The following SLC27A2 variants were observed in gnomAD, a reference collection of about 807,000 sequenced individuals.
SLC27A2 encodes the protein long-chain fatty acid transport protein 2.
In SLC27A2, 54 loss-of-function variants were observed where a neutral mutation model predicts 60.0. That is an observed-to-expected ratio of 0.90 (90% CI 0.72 to 1.13). SLC27A2 has a LOEUF of 1.13. SLC27A2 is among the 50% of genes most tolerant of loss of function. The pLI is 0.00. For synonymous variants in SLC27A2, 297 were observed against 297.6 expected, an observed-to-expected ratio of 1.00 and a Z score of 0.02; for missense variants, 739 against 777.6, an observed-to-expected ratio of 0.95 and a Z score of 0.59.
At chr15:50,184,309 T>C (rs1368590990) in intron 1 of SLC27A2, among the ~76,000 whole-genome samples, 1 of 152,006 alleles carries the variant, frequency 6.6e-6, no homozygotes, top group Non-Finnish European at 1.5e-5. Context: ...CTACATCTTA[T>C]TGTTTTCCTC....
chr15:50,234,077 C>A, intron 9 of SLC27A2, 79 bp downstream of exon 9: 2 of 1,362,562 alleles, frequency 1.5e-6, no homozygotes, highest in Non-Finnish European at 2.0e-6. Context: ...CGCCTTCTCC[C>A]AGGATGACTA....
At chr15:50,229,570 G>T (rs1292250734) in intron 8 of SLC27A2, among the ~76,000 whole-genome samples, 1 of 152,202 alleles carries the variant, frequency 6.6e-6, no homozygotes, top group Non-Finnish European at 1.5e-5. Context: ...AGGAGGGCCA[G>T]TGTCTGACCT....
At chr15:50,199,590 C>T (rs1008443695) in intron 2 of SLC27A2, among the ~76,000 whole-genome samples, 4 of 151,608 alleles carry the variant, frequency 2.6e-5, no homozygotes, top group Admixed American at 6.6e-5. Flanking sequence ...AATTGGAAGA[C>T]AATTAGAAGG....
At chr15:50,185,507 C>A (rs745864943) in intron 1 of SLC27A2, among the ~76,000 whole-genome samples, 3 of 151,270 alleles carry the variant, frequency 2.0e-5, no homozygotes, top group Non-Finnish European at 4.4e-5. Context: ...TTGGAAGGGA[C>A]CTTAGAGATA....
intron 4 of SLC27A2, among the ~76,000 whole-genome samples, chr15:50,222,754 A>G (rs2045252237): frequency 2.0e-5 from 3 of 152,316 alleles, no homozygotes; most frequent in South Asian, 2.1e-4. Context: ...CAGCTGTCAG[A>G]CCATACTGCT....
chr15:50,223,104 T>A lies in SLC27A2; in HGVS notation c.1112T>A (p.Phe371Tyr). 3 of 1,613,866 alleles carry A rather than the reference T, an allele frequency of 1.9e-6. No homozygotes were observed. The highest frequency in any genetic ancestry group is 1.1e-5 in the South Asian group (1 of 91,008). ...GCTGCCACTGAAGGCAATATTGGAT[T>A]TATGAATTATGCGAGAAAAGTTGGT... ...FYAATEGNIG[F>Y]MNYARKVGAV... Residue 371 changes from phenylalanine to tyrosine, a missense_variant, in exon 5 of 10, where the codon TTT becomes TAT. Transcript: ENST00000267842.
intron 1 of SLC27A2, among the ~76,000 whole-genome samples, chr15:50,196,070 AAAAAAAAATATATATATATAT>A (rs2045016260): frequency 8.5e-5 from 2 of 23,484 alleles, no homozygotes; most frequent in African/African-American, 2.9e-4. Flanking sequence ...AAAAAAAAAA[AAAAAAAAATATATATATATAT>A]ATATATATAT....
At chr15:50,193,200 C>A (rs2044988634) in intron 1 of SLC27A2, among the ~76,000 whole-genome samples, 1 of 152,238 alleles carries the variant, frequency 6.6e-6, no homozygotes, top group Non-Finnish European at 1.5e-5. Flanking sequence ...TCTTTCAGGT[C>A]TCAGTTTACA....
intron 4 of SLC27A2, among the ~76,000 whole-genome samples, chr15:50,210,422 C>T (rs1040136454): frequency 6.6e-6 from 1 of 152,148 alleles, no homozygotes; most frequent in Non-Finnish European, 1.5e-5. Flanking sequence ...CCTGGAGCCT[C>T]GTCAAGTTAG....
intron 3 of SLC27A2, among the ~76,000 whole-genome samples, chr15:50,204,374 G>A (rs2045091140): frequency 6.6e-6 from 1 of 152,034 alleles, no homozygotes; most frequent in Admixed American, 6.5e-5. Context: ...GCTGAGGCAC[G>A]AGAACCCACA....
chr15:50,195,924 G>A (rs1437788725), intron 1 of SLC27A2, among the ~76,000 whole-genome samples: 2 of 148,560 alleles, frequency 1.3e-5, no homozygotes, highest in Non-Finnish European at 3.0e-5. Flanking sequence ...GCATGGTGGC[G>A]GGCGCCTGTG....
At position 50,182,256 on chromosome 15, in the gene SLC27A2, G is replaced by T; in HGVS notation, c.-172G>T. 5.6e-6 allele frequency: 6 copies of T among 1,069,974 alleles called. No individual in the cohort carries two copies. Among genetic ancestry groups the T allele is most frequent in the Non-Finnish European group, 7.2e-6 (6 of 830,120 alleles). 66.3% of individuals were successfully genotyped at this position (1,069,974 alleles called of 1,614,324 possible). A position where few individuals can be genotyped will look rare whatever the true frequency, so the allele number is the denominator to read the frequency against. On this transcript the variant is annotated 5_prime_UTR_variant, in exon 1 of 10. Coordinates refer to ENST00000267842, the MANE Select transcript of SLC27A2 (RefSeq NM_003645.4). ...CTACACCTGCTCCGGAGCCCGCGGC[G>T]GTACCTGCAGCGGAGGAGCTCTGTC...
intron 4 of SLC27A2, among the ~76,000 whole-genome samples, chr15:50,208,056 G>A (rs1291889937): frequency 6.6e-6 from 1 of 152,030 alleles, no homozygotes; most frequent in Admixed American, 6.6e-5. Context: ...AGAATACGCT[G>A]TTGCTGGAGG....
intron 2 of SLC27A2, 37 bp from the exon 3 acceptor site, chr15:50,202,450 T>C (rs761296233): frequency 1.3e-5 from 21 of 1,610,004 alleles, no homozygotes; most frequent in Non-Finnish European, 1.5e-5. Flanking sequence ...ATGCCCAATC[T>C]TGGTTAACTC....
At chr15:50,207,140 T>C (rs1942697542) in intron 4 of SLC27A2, among the ~76,000 whole-genome samples, 1 of 152,190 alleles carries the variant, frequency 6.6e-6, no homozygotes, top group African/African-American at 2.4e-5. Flanking sequence ...GTGTTGTTTC[T>C]GTATGTTCTA....
chr15:50,219,266 G>A (rs1284824366), intron 4 of SLC27A2, among the ~76,000 whole-genome samples: 1 of 152,180 alleles, frequency 6.6e-6, no homozygotes, highest in East Asian at 1.9e-4. Context: ...ATAGCAAGAA[G>A]CAGCTACAAG....
Position 50,197,655 on chromosome 15 carries a change from T to C in SLC27A2, c.634T>C (p.Ser212Pro), listed in dbSNP as rs1414753207. 5 of 1,614,050 alleles carry C rather than the reference T, an allele frequency of 3.1e-6. No homozygotes were observed. The East Asian group carries it at 1.1e-4, about 36-fold the overall frequency. ...TGAACCTATCCCAGAGTCATGGAGG[T>C]CTGAAGTCACTTTTTCCACTCCTGC... ...STEPIPESWR[S>P]EVTFSTPALY... Residue 212 changes from serine to proline, a missense_variant, in exon 2 of 10, where the codon TCT becomes CCT. Coordinates refer to ENST00000267842, the MANE Select transcript of SLC27A2 (RefSeq NM_003645.4).
In SLC27A2 at chr15:50,233,758, A is replaced by T. The variant is rs189037359; in HGVS notation, c.1556-110A>T. 238 of 930,554 alleles carry T rather than the reference A, an allele frequency of 2.6e-4. 1 individual carries two copies. In the African/African-American group the frequency reaches 3.7e-3, roughly 14 times the overall value. The allele number at this position is 930,554 out of a possible 1,614,324, so 57.6% of individuals were successfully genotyped here. ...TGTATTTTTAATAAAAATTCCAGCT[A>T]TCCAAATGAAACCCATGCTATAAAT... On this transcript the variant is annotated intron_variant, in intron 8 of 9. Transcript: ENST00000267842.
At chr15:50,225,781 T>C (rs556341951) in intron 5 of SLC27A2, among the ~76,000 whole-genome samples, 1 of 152,294 alleles carries the variant, frequency 6.6e-6, no homozygotes, top group East Asian at 1.9e-4. Context: ...GTCAGAATAG[T>C]AGTTAACTTC....
Sources: allele counts gnomAD v4.1 joint callset (sites outside exome capture counted in the v4.1 genomes callset), GRCh38; gene constraint gnomAD v4.1.1; transcripts MANE v1.5; gene names NCBI Gene and HGNC (gene_info 2026-07-23, HGNC 2026-07-21).